WDFY3: variants seen among roughly 807,000 people sequenced by gnomAD.
WDFY3 encodes WD repeat and FYVE domain-containing protein 3.
A neutral mutation model predicts 409.6 loss-of-function variants in WDFY3; 66 were observed. The observed-to-expected ratio is 0.16, with a 90% confidence interval of 0.13 to 0.20. The LOEUF (loss-of-function observed/expected upper bound fraction) is 0.20. Among genes scored for constraint, WDFY3 ranks in the 10% least tolerant of loss-of-function variants. The pLI is 1.00. For missense variants in WDFY3, 3,031 were observed against 4,298.1 expected (o/e 0.71, Z 8.24); for synonymous variants, 1,521 against 1,537.1 (o/e 0.99, Z 0.25).
At chr4:84,864,812 G>C (rs1444322049) in intron 3 of WDFY3, among the ~76,000 whole-genome samples, 1 of 152,154 alleles carries the variant, frequency 6.6e-6, no homozygotes, top group African/African-American at 2.4e-5. Context: ...ACTCTAGTTA[G>C]CACGTTTATT....
intron 24 of WDFY3, 131 bp downstream of exon 24, chr4:84,785,848 C>T: frequency 8.6e-7 from 1 of 1,166,944 alleles, no homozygotes; most frequent in Non-Finnish European, 1.2e-6. Flanking sequence ...GTCAAATTAA[C>T]CAAACATAAA....
intron 40 of WDFY3, 119 bp downstream of exon 40, chr4:84,738,891 C>T: frequency 1.1e-6 from 1 of 888,770 alleles, no homozygotes; most frequent in Non-Finnish European, 1.8e-6. Context: ...GTATAGGTTG[C>T]CCTACTGGGA....
intron 3 of WDFY3, among the ~76,000 whole-genome samples, chr4:84,880,858 C>T (rs1267018543): frequency 6.7e-6 from 1 of 150,070 alleles, no homozygotes; most frequent in Non-Finnish European, 1.5e-5. Flanking sequence ...GCTGGGATTA[C>T]AGGCATGCAC....
chr4:84,691,551 T>C, intron 60 of WDFY3, 80 bp downstream of exon 60: 1 of 1,462,590 alleles, frequency 6.8e-7, no homozygotes, highest in Non-Finnish European at 9.3e-7. Context: ...GACTGGGTTC[T>C]CCCCAACCCT....
chr4:84,872,903 T>A (rs1762310556), intron 3 of WDFY3, among the ~76,000 whole-genome samples: 1 of 152,210 alleles, frequency 6.6e-6, no homozygotes, highest in Non-Finnish European at 1.5e-5. Flanking sequence ...TTTTACAAGA[T>A]GTAGTCTTTC....
chr4:84,866,727 G>A (rs1761450848), intron 3 of WDFY3, among the ~76,000 whole-genome samples: 4 of 152,212 alleles, frequency 2.6e-5, no homozygotes, highest in East Asian at 1.9e-4. Flanking sequence ...ACCCTGTGGA[G>A]TGCTTTCTCG....
At chr4:84,943,320 A>G (rs923770593) in intron 1 of WDFY3, among the ~76,000 whole-genome samples, 20 of 151,972 alleles carry the variant, frequency 1.3e-4, no homozygotes, top group Admixed American at 1.2e-3. Flanking sequence ...GCTAACACCC[A>G]GTGAAACCCC....
chr4:84,815,991 ATAAG>A (rs377726030), intron 13 of WDFY3, among the ~76,000 whole-genome samples: 9 of 152,088 alleles, frequency 5.9e-5, no homozygotes, highest in African/African-American at 1.9e-4. Flanking sequence ...ACTTTTGACT[ATAAG>A]TAAGAGTTTT....
intron 4 of WDFY3, among the ~76,000 whole-genome samples, chr4:84,858,987 T>C (rs1398721970): frequency 2.1e-5 from 3 of 146,136 alleles, no homozygotes; most frequent in Non-Finnish European, 4.5e-5. Flanking sequence ...GACAGACAGA[T>C]AGGAAGAAAG....
At chr4:84,892,477 T>A (rs951933211) in intron 3 of WDFY3, among the ~76,000 whole-genome samples, 1 of 152,146 alleles carries the variant, frequency 6.6e-6, no homozygotes, top group Non-Finnish European at 1.5e-5. Flanking sequence ...AAATATCCAA[T>A]GTTCAAAATC....
At chr4:84,812,433 C>T (rs1314179179) in intron 13 of WDFY3, among the ~76,000 whole-genome samples, 1 of 152,010 alleles carries the variant, frequency 6.6e-6, no homozygotes, top group African/African-American at 2.4e-5. Flanking sequence ...ATTCTGACTC[C>T]AACATTAAAA....
chr4:84,800,527 G>A (rs988085822), intron 17 of WDFY3, among the ~76,000 whole-genome samples: 1 of 152,126 alleles, frequency 6.6e-6, no homozygotes, highest in African/African-American at 2.4e-5. Flanking sequence ...AAAAACTACT[G>A]ATACATGTAA....
chr4:84,929,455 A>G (rs1579170843), intron 2 of WDFY3, among the ~76,000 whole-genome samples: 2 of 151,600 alleles, frequency 1.3e-5, no homozygotes, highest in African/African-American at 4.8e-5. Flanking sequence ...ATGTAGGGCA[A>G]TAGATTGAAT....
At chr4:84,764,050 A>G (rs1743173042) in intron 32 of WDFY3, among the ~76,000 whole-genome samples, 1 of 152,212 alleles carries the variant, frequency 6.6e-6, no homozygotes, top group East Asian at 1.9e-4. Context: ...TAGAAAATAA[A>G]ACTTATATGC....
chr4:84,735,495 C>T (rs888759674), intron 42 of WDFY3, among the ~76,000 whole-genome samples: 1 of 152,212 alleles, frequency 6.6e-6, no homozygotes, highest in East Asian at 1.9e-4. Context: ...GTCCTCAAAG[C>T]TCCACTTAGC....
chr4:84,845,971 G>A (rs1459622829), intron 5 of WDFY3, among the ~76,000 whole-genome samples: 2 of 150,618 alleles, frequency 1.3e-5, no homozygotes, highest in Non-Finnish European at 3.0e-5. Context: ...ATTAATACAC[G>A]GGTGAACACA....
chr4:84,888,347 G>C (rs902239061), intron 3 of WDFY3, among the ~76,000 whole-genome samples: 8 of 152,102 alleles, frequency 5.3e-5, no homozygotes, highest in Non-Finnish European at 7.3e-5. Flanking sequence ...CCAGATTATA[G>C]TAAACTATGA....
At chr4:84,857,126 CATT>C (rs1242107624) in intron 4 of WDFY3, among the ~76,000 whole-genome samples, 1 of 152,056 alleles carries the variant, frequency 6.6e-6, no homozygotes, top group Non-Finnish European at 1.5e-5. Flanking sequence ...TCAAATCACT[CATT>C]ATATTAGAGT....
At chr4:84,725,190 C>T (rs1387624073) in intron 45 of WDFY3, among the ~76,000 whole-genome samples, 1 of 152,130 alleles carries the variant, frequency 6.6e-6, no homozygotes, top group East Asian at 1.9e-4. Context: ...AGTTTTATGC[C>T]AGGTGACACT....
Sources: gnomAD v4.1 joint callset for allele counts (sites outside exome capture counted in the v4.1 genomes callset) on GRCh38, gnomAD v4.1.1 for gene constraint, MANE v1.5 for transcripts, NCBI Gene and HGNC (gene_info 2026-07-23, HGNC 2026-07-21) for gene names.